Variants in DNAH12 observed in about 807,000 individuals in gnomAD.
DNAH12 encodes the protein axonemal beta dynein heavy chain 12.
A neutral mutation model predicts 371.5 loss-of-function variants in DNAH12; 285 were observed. The ratio of observed to expected loss-of-function variants is 0.77; its 90% confidence interval spans 0.70 to 0.85. The LOEUF (loss-of-function observed/expected upper bound fraction) is 0.85. DNAH12 is among the 40% of genes least tolerant of loss of function. DNAH12 has a pLI of 0.00. For synonymous variants in DNAH12, 1,200 were observed against 1,213.0 expected (o/e 0.99, Z 0.22); for missense variants, 3,611 against 3,689.4 (o/e 0.98, Z 0.55).
At chr3:57,341,733 G>A (rs2062404699) in intron 60 of DNAH12, among the ~76,000 whole-genome samples, 1 of 151,740 alleles carries the variant, frequency 6.6e-6, no homozygotes, top group Non-Finnish European at 1.5e-5. Flanking sequence ...ATATACCAAT[G>A]ATGTTCTTCA....
rs1339816694 is a variant in DNAH12, at chr3:57,354,523, C to T, written c.9534-2298G>A. 5.0e-5 allele frequency among the ~76,000 whole-genome samples: 7 copies of T among 139,340 alleles called. No homozygotes were observed. In the East Asian group the frequency reaches 1.2e-3, roughly 24 times the overall value. 91.4% of individuals were successfully genotyped at this position (139,340 alleles called of 152,430 possible). On this transcript the variant is annotated intron_variant, in intron 59 of 73. Transcript: ENST00000495027. ...TTAAAAAAAGAGTCCTCAATAAACC[C>T]TATGTCTTGTTTGCTAAAAAAAAAA...
chr3:57,446,193 T>C lies in DNAH12; in HGVS notation c.4017A>G (p.Ser1339=). The change falls in exon 27 of 74, where the codon TCA becomes TCG. Residue 1339 remains serine, a synonymous_variant. Coordinates refer to ENST00000495027, the MANE Select transcript of DNAH12 (RefSeq NM_001366028.2). Reference sequence around the variant, plus strand: ...TGCAAAGGATCTGTTGAGCTACCACTGACAACACTTCCAACTCAATTCGAT... The same window carrying C: ...TGCAAAGGATCTGTTGAGCTACCACCGACAACACTTCCAACTCAATTCGAT... ...EFNRIELEVL[S]VVAQQILCIQ... The C allele has an allele frequency of 1.3e-6, 2 of 1,551,758 alleles. No individual in the cohort carries two copies. Among genetic ancestry groups the C allele is most frequent in the Non-Finnish European group, 1.7e-6 (2 of 1,147,014 alleles).
At chr3:57,453,548 T>G in intron 23 of DNAH12, 145 bp from the exon 24 acceptor site, 1 of 651,148 alleles carries the variant, frequency 1.5e-6, no homozygotes, top group Non-Finnish European at 2.3e-6. Context: ...GGCTCATGCC[T>G]AAAATCCCAG....
chr3:57,539,911 C>T (rs548217635), intron 2 of DNAH12, among the ~76,000 whole-genome samples: 5 of 151,180 alleles, frequency 3.3e-5, no homozygotes, highest in Admixed American at 6.6e-5. Flanking sequence ...CCACCGTGCC[C>T]GGCCCCACTG....
At chr3:57,344,859 C>T (rs1433317272) in intron 60 of DNAH12, among the ~76,000 whole-genome samples, 1 of 152,042 alleles carries the variant, frequency 6.6e-6, no homozygotes, top group Admixed American at 6.6e-5. Flanking sequence ...TATTCAATAG[C>T]ACTGTAGGAT....
At chr3:57,333,296 A>C (rs150928678) in intron 62 of DNAH12, among the ~76,000 whole-genome samples, 69 of 138,282 alleles carry the variant, frequency 5.0e-4, no homozygotes, top group Non-Finnish European at 8.4e-4. Context: ...GGCATGAGCC[A>C]CCGTGCCCGG....
At chr3:57,354,104 G>C (rs2062742978) in intron 59 of DNAH12, among the ~76,000 whole-genome samples, 1 of 152,114 alleles carries the variant, frequency 6.6e-6, no homozygotes, top group East Asian at 1.9e-4. Context: ...CAATAGCAAA[G>C]ACATGGAATC....
chr3:57,383,994 A>G (rs2063450777), intron 49 of DNAH12, among the ~76,000 whole-genome samples: 1 of 152,162 alleles, frequency 6.6e-6, no homozygotes, highest in African/African-American at 2.4e-5. Context: ...CAGGCCTGTT[A>G]CATGAAACAG....
At chr3:57,412,029 AG>A (rs1392608554) in intron 39 of DNAH12, among the ~76,000 whole-genome samples, 1 of 152,200 alleles carries the variant, frequency 6.6e-6, no homozygotes, top group Non-Finnish European at 1.5e-5. Flanking sequence ...CAATAAATAC[AG>A]TTAACTAATC....
At chr3:57,429,423 G>A (rs756683107) in intron 33 of DNAH12, among the ~76,000 whole-genome samples, 6 of 152,182 alleles carry the variant, frequency 3.9e-5, no homozygotes, top group Middle Eastern at 3.4e-3. Flanking sequence ...TGATCTGCCC[G>A]CCTCAGCCTC....
intron 55 of DNAH12, among the ~76,000 whole-genome samples, chr3:57,373,726 T>C (rs1038862978): frequency 7.2e-5 from 11 of 152,198 alleles, no homozygotes; most frequent in African/African-American, 2.4e-4. Context: ...GGGTCTAATA[T>C]TCTGTTAAAC....
chr3:57,435,078 T>C (rs1223386866), intron 30 of DNAH12, among the ~76,000 whole-genome samples: 1 of 152,154 alleles, frequency 6.6e-6, no homozygotes, highest in East Asian at 1.9e-4. Flanking sequence ...TATTAAAACC[T>C]ATGAAGGATT....
At chr3:57,367,579 G>A (rs1385717178) in intron 56 of DNAH12, among the ~76,000 whole-genome samples, 1 of 152,128 alleles carries the variant, frequency 6.6e-6, no homozygotes, top group African/African-American at 2.4e-5. Flanking sequence ...TTTATAAACA[G>A]AAAGATATTA....
chr3:57,498,344 T>G, intron 11 of DNAH12: 1 of 594,142 alleles, frequency 1.7e-6, no homozygotes. Flanking sequence ...AGACAAAGAG[T>G]TTTGCTCTGT....
At chr3:57,482,261 G>A (rs2066769702) in intron 13 of DNAH12, among the ~76,000 whole-genome samples, 1 of 152,118 alleles carries the variant, frequency 6.6e-6, no homozygotes, top group South Asian at 2.1e-4. Flanking sequence ...AGTGGGCAAA[G>A]GACATGAACA....
intron 70 of DNAH12, 42 bp from the exon 71 acceptor site, chr3:57,297,026 T>A: frequency 1.9e-6 from 3 of 1,544,674 alleles, no homozygotes. Context: ...GTTTTTAAAG[T>A]TATACAAGTG....
chr3:57,461,724 G>A (rs1348430046), intron 18 of DNAH12, 35 bp from the exon 19 acceptor site: 2 of 1,502,984 alleles, frequency 1.3e-6, no homozygotes, highest in African/African-American at 2.8e-5. Context: ...ACGGGATGGT[G>A]AAGAAAGGAT....
chr3:57,338,392 C>A lies in DNAH12; in HGVS notation c.9675-3452G>T, dbSNP rs554754856. ...CTGGGATGTGAGGAGCGCCTCTGCC[C>A]GGCCGCCACACTGTCTAGGAAGTGA... On this transcript the variant is annotated intron_variant, in intron 60 of 73. Transcript: ENST00000495027. 8.5e-3 allele frequency among the ~76,000 whole-genome samples: 1,292 copies of A among 151,532 alleles called. 9 individuals carry two copies. Among genetic ancestry groups the A allele is most frequent in the African/African-American group, 0.03 (1,231 of 41,284 alleles).
At chr3:57,463,912 C>A (rs1177932042) in intron 17 of DNAH12, among the ~76,000 whole-genome samples, 1 of 151,932 alleles carries the variant, frequency 6.6e-6, no homozygotes, top group Non-Finnish European at 1.5e-5. Flanking sequence ...GGATTACAGA[C>A]TCCTGAGTAG....
Sources: gnomAD v4.1 joint callset for allele counts (sites outside exome capture counted in the v4.1 genomes callset) on GRCh38, gnomAD v4.1.1 for gene constraint, MANE v1.5 for transcripts, NCBI Gene and HGNC (gene_info 2026-07-23, HGNC 2026-07-21) for gene names.